MTUS2: variants seen among roughly 807,000 people sequenced by gnomAD.
MTUS2 encodes the protein microtubule-associated tumor suppressor candidate 2.
In MTUS2, 40 loss-of-function variants were observed where a neutral mutation model predicts 114.1. That is an observed-to-expected ratio of 0.35 (90% CI 0.27 to 0.46). The LOEUF is 0.46. Among genes scored for constraint, MTUS2 ranks in the 20% least tolerant of loss-of-function variants. The probability of loss-of-function intolerance (pLI) is 1.00; values close to 1 mark genes in which losing one functional copy is unlikely to be tolerated. For synonymous variants in MTUS2, 688 were observed against 672.0 expected (o/e 1.02, Z -0.37); for missense variants, 1,679 against 1,705.4 (o/e 0.98, Z 0.27).
At chr13:29,222,935 C>T (rs1254208602) in intron 5 of MTUS2, among the ~76,000 whole-genome samples, 2 of 152,222 alleles carry the variant, frequency 1.3e-5, no homozygotes, top group Non-Finnish European at 2.9e-5. Flanking sequence ...CTGTCTCGGC[C>T]CCCTCTGGAC....
intron 5 of MTUS2, among the ~76,000 whole-genome samples, chr13:29,132,690 A>G (rs7326726): frequency 0.33 from 50,063 of 152,092 alleles, 8,854 homozygotes; most frequent in African/African-American, 0.46. Context: ...TAGAATTTCC[A>G]TTCTTTTTAA....
chr13:28,945,274 A>T (rs1172210698), intron 2 of MTUS2, among the ~76,000 whole-genome samples: 1 of 136,550 alleles, frequency 7.3e-6, no homozygotes, highest in East Asian at 2.1e-4. Context: ...GAATAGTGCT[A>T]TAATAAACAT....
intron 4 of MTUS2, among the ~76,000 whole-genome samples, chr13:29,055,548 G>A (rs573576638): frequency 5.9e-5 from 9 of 152,078 alleles, no homozygotes; most frequent in East Asian, 1.9e-4. Flanking sequence ...AGGCCCTAGC[G>A]TCTGTTCTCT....
chr13:28,887,893 C>T (rs1878684329), intron 2 of MTUS2, among the ~76,000 whole-genome samples: 1 of 152,160 alleles, frequency 6.6e-6, no homozygotes, highest in African/African-American at 2.4e-5. Flanking sequence ...CTGGAAGTCC[C>T]AAAGGCATGG....
intron 7 of MTUS2, among the ~76,000 whole-genome samples, chr13:29,340,085 C>T (rs1901312263): frequency 6.6e-6 from 1 of 152,256 alleles, no homozygotes; most frequent in South Asian, 2.1e-4. Flanking sequence ...CGCAAGCTGG[C>T]ACCCTCTGGC....
chr13:29,312,010 C>G (rs575367161), intron 6 of MTUS2, among the ~76,000 whole-genome samples: 4 of 152,272 alleles, frequency 2.6e-5, no homozygotes, highest in Non-Finnish European at 5.9e-5. Flanking sequence ...CCTGCTGTCC[C>G]TTCACTCCGG....
intron 2 of MTUS2, among the ~76,000 whole-genome samples, chr13:28,976,255 A>T (rs2138274933): frequency 6.6e-6 from 1 of 152,126 alleles, no homozygotes; most frequent in East Asian, 1.9e-4. Context: ...TAGAGAAATA[A>T]GATGGGAGGG....
intron 10 of MTUS2, among the ~76,000 whole-genome samples, chr13:29,482,689 A>G (rs1449572030): frequency 6.6e-6 from 1 of 152,258 alleles, no homozygotes; most frequent in African/African-American, 2.4e-5. Flanking sequence ...ACTGTCACAC[A>G]GGTGAGAAAT....
At chr13:28,998,078 C>T (rs1289523116) in intron 2 of MTUS2, among the ~76,000 whole-genome samples, 1 of 152,052 alleles carries the variant, frequency 6.6e-6, no homozygotes, top group Non-Finnish European at 1.5e-5. Flanking sequence ...TCTTTTAGGG[C>T]AGGCCTGGTG....
chr13:29,373,015 A>T (rs1439992727), intron 8 of MTUS2, among the ~76,000 whole-genome samples: 1 of 152,244 alleles, frequency 6.6e-6, no homozygotes, highest in Non-Finnish European at 1.5e-5. Flanking sequence ...TGGTGAACAT[A>T]CAAGTTTTTC....
At chr13:29,241,407 G>A (rs573939690) in intron 5 of MTUS2, among the ~76,000 whole-genome samples, 113 of 152,094 alleles carry the variant, frequency 7.4e-4, no homozygotes, top group African/African-American at 2.5e-3. Context: ...ATTTACTTGC[G>A]TAGTACCTTT....
chr13:29,013,810 A>G (rs993351198), intron 2 of MTUS2, among the ~76,000 whole-genome samples: 1 of 152,240 alleles, frequency 6.6e-6, no homozygotes, highest in Non-Finnish European at 1.5e-5. Context: ...ACGCATACCT[A>G]CATTGCAGGA....
At chr13:29,446,519 G>GT (rs1462336401) in intron 9 of MTUS2, among the ~76,000 whole-genome samples, 1 of 152,168 alleles carries the variant, frequency 6.6e-6, no homozygotes, top group Non-Finnish European at 1.5e-5. Flanking sequence ...ACAAACTACA[G>GT]TAAGTTCCTT....
chr13:29,495,893 T>C (rs1882520434), intron 12 of MTUS2, among the ~76,000 whole-genome samples: 1 of 151,866 alleles, frequency 6.6e-6, no homozygotes, highest in Non-Finnish European at 1.5e-5. Context: ...TGTCTCTCTT[T>C]TTCTCTCTCT....
At chr13:29,217,533 T>C (rs1021243783) in intron 5 of MTUS2, among the ~76,000 whole-genome samples, 1 of 152,240 alleles carries the variant, frequency 6.6e-6, no homozygotes, top group Admixed American at 6.5e-5. Context: ...AATTCTAATA[T>C]CACTTGAGCC....
chr13:29,102,176 T>C (rs1890446304), intron 5 of MTUS2, among the ~76,000 whole-genome samples: 1 of 152,220 alleles, frequency 6.6e-6, no homozygotes, highest in African/African-American at 2.4e-5. Flanking sequence ...AAATGTGTAA[T>C]TCATGTTTTG....
chr13:29,422,397 AGC>A (rs146294415), intron 8 of MTUS2, among the ~76,000 whole-genome samples: 2,877 of 152,326 alleles, frequency 0.019, 90 homozygotes, highest in African/African-American at 0.066. Context: ...CAAGCCGTTA[AGC>A]ACAGGGCCGG....
In MTUS2 at chr13:29,465,348, C is replaced by T. The variant is rs538810998; in HGVS notation, c.3185-14802C>T. ...GGCTTAGAGGGCTTAACTCCCTGCA[C>T]AGGAGCATCAGCTGGTAAGCAGTGA... On this transcript the variant is annotated intron_variant, in intron 9 of 15. Transcript: ENST00000612955. Among the ~76,000 whole-genome samples, 27 of 152,316 alleles carry T rather than the reference C, an allele frequency of 1.8e-4. No homozygotes were observed. The South Asian group carries it at 5.6e-3, about 32-fold the overall frequency.
chr13:29,289,187 A>T (rs932786144), intron 6 of MTUS2, among the ~76,000 whole-genome samples: 1 of 152,220 alleles, frequency 6.6e-6, no homozygotes, highest in African/African-American at 2.4e-5. Context: ...GCTTTTACAG[A>T]TATGTGACTA....
Sources: allele counts gnomAD v4.1 joint callset (sites outside exome capture counted in the v4.1 genomes callset), GRCh38; gene constraint gnomAD v4.1.1; transcripts MANE v1.5; gene names NCBI Gene and HGNC (gene_info 2026-07-23, HGNC 2026-07-21).